The following KHDRBS1 variants were observed in gnomAD, a reference collection of about 807,000 sequenced individuals.
KHDRBS1 encodes KH domain-containing, RNA-binding, signal transduction-associated protein 1.
A neutral mutation model predicts 48.4 loss-of-function variants in KHDRBS1; 7 were observed. That is an observed-to-expected ratio of 0.14 (90% CI 0.08 to 0.27). The LOEUF (loss-of-function observed/expected upper bound fraction) is 0.27. Among genes scored for constraint, KHDRBS1 ranks in the 10% least tolerant of loss-of-function variants. The pLI is 1.00. For synonymous variants in KHDRBS1, 241 were observed against 235.8 expected, an observed-to-expected ratio of 1.02 and a Z score of -0.20; for missense variants, 458 against 601.2, an observed-to-expected ratio of 0.76 and a Z score of 2.49.
intron 1 of KHDRBS1, among the ~76,000 whole-genome samples, chr1:32,023,480 A>G (rs1210151153): frequency 6.6e-6 from 1 of 152,216 alleles, no homozygotes; most frequent in African/African-American, 2.4e-5. Context: ...TGGATAAGAT[A>G]TGATTATTCT....
intron 10 of KHDRBS1, among the ~76,000 whole-genome samples, chr1:32,055,984 C>T (rs541078012): frequency 1.3e-5 from 2 of 151,998 alleles, no homozygotes; most frequent in African/African-American, 2.4e-5. Context: ...TTGTTTGTTT[C>T]GAATGTACTT....
At chr1:32,042,495 T>C (rs753272343) in intron 8 of KHDRBS1, 32 bp from the exon 9 acceptor site, 185 of 1,480,830 alleles carry the variant, frequency 1.2e-4, no homozygotes, top group Non-Finnish European at 1.7e-4. Flanking sequence ...TGTCGCCACA[T>C]GGTTTATAAA....
intron 10 of KHDRBS1, among the ~76,000 whole-genome samples, chr1:32,054,153 C>T (rs1303344018): frequency 6.6e-6 from 1 of 152,090 alleles, no homozygotes; most frequent in Admixed American, 6.6e-5. Flanking sequence ...TAAGTTAGTG[C>T]TGATTTTGGA....
chr1:32,017,807 A>G (rs1638773879), intron 1 of KHDRBS1, among the ~76,000 whole-genome samples: 1 of 151,578 alleles, frequency 6.6e-6, no homozygotes, highest in Admixed American at 6.6e-5. Context: ...GGGTTTCTCC[A>G]TGTTGGTCAG....
At chr1:32,017,574 G>T (rs1458173243) in intron 1 of KHDRBS1, among the ~76,000 whole-genome samples, 1 of 137,700 alleles carries the variant, frequency 7.3e-6, no homozygotes, top group African/African-American at 2.7e-5. Context: ...AAATGCTGTT[G>T]TATAGATACC....
At chr1:32,040,935 A>C (rs2124388901) in intron 8 of KHDRBS1, among the ~76,000 whole-genome samples, 1 of 152,266 alleles carries the variant, frequency 6.6e-6, no homozygotes, top group Non-Finnish European at 1.5e-5. Flanking sequence ...GTTTTAGCGA[A>C]ATAGCACTGG....
chr1:32,058,286 C>T (rs925642098), intron 10 of KHDRBS1, among the ~76,000 whole-genome samples: 1 of 152,082 alleles, frequency 6.6e-6, no homozygotes, highest in Admixed American at 6.6e-5. Context: ...CAAGGTATTA[C>T]TATGTTGCCC....
In KHDRBS1 at chr1:32,014,010, C is replaced by T; in HGVS notation, c.15C>T (p.Asp5=). MQRR[D]DPAARMSRSS... ...CATCCTCCCAGATGCAGCGCCGGGA[C>T]GACCCCGCCGCGCGCATGAGCCGGT... is the stretch of plus-strand genomic sequence containing the variant. Residue 5 remains aspartate (D), a synonymous_variant, in exon 1 of 9, where the codon GAC becomes GAT. Coordinates refer to ENST00000327300, the MANE Select transcript of KHDRBS1 (RefSeq NM_006559.3). The T allele has an allele frequency of 1.3e-6, 2 of 1,522,148 alleles. No individual in the cohort carries two copies. The highest frequency in any genetic ancestry group is 1.7e-6 in the Non-Finnish European group (2 of 1,146,178). 94.3% of individuals were successfully genotyped at this position (1,522,148 alleles called of 1,614,324 possible).
intron 1 of KHDRBS1, among the ~76,000 whole-genome samples, chr1:32,029,514 G>A (rs992283559): frequency 3.3e-5 from 5 of 152,090 alleles, no homozygotes; most frequent in Admixed American, 2.0e-4. Context: ...AAAATTAGCC[G>A]GGCATGGTGG....
chr1:32,050,869 G>T (rs1382038012), intron 10 of KHDRBS1, among the ~76,000 whole-genome samples: 1 of 151,306 alleles, frequency 6.6e-6, no homozygotes, highest in Non-Finnish European at 1.5e-5. Flanking sequence ...ACTTTTGTGT[G>T]TGTGGCCTGG....
At chr1:32,056,085 T>C (rs1033255306) in intron 10 of KHDRBS1, among the ~76,000 whole-genome samples, 1 of 152,182 alleles carries the variant, frequency 6.6e-6, no homozygotes, top group African/African-American at 2.4e-5. Flanking sequence ...AAGGTTTAGC[T>C]TCTTAGCATT....
chr1:32,043,999 G>T (rs953358140), downstream of KHDRBS1: 1 of 152,358 alleles, frequency 6.6e-6, no homozygotes, highest in Admixed American at 6.5e-5. Flanking sequence ...CTTAAAAGTG[G>T]TGGGGGGGAT....
chr1:32,022,718 G>A (rs1174873339), intron 1 of KHDRBS1, among the ~76,000 whole-genome samples: 7 of 152,054 alleles, frequency 4.6e-5, no homozygotes, highest in South Asian at 4.2e-4. Flanking sequence ...GTGAAACCCC[G>A]TCTCTACTAA....
chr1:32,020,597 G>A lies in KHDRBS1; in HGVS notation c.382+6220G>A, dbSNP rs1026447385. On this transcript the variant is annotated intron_variant, in intron 1 of 8. Transcript: ENST00000327300. ...TCCAATAAACTGGCACACCCATACA[G>A]TGGAACAGTACTGTGCAATAAAAAA... Among the ~76,000 whole-genome samples the A allele has an allele frequency of 8.1e-5, 12 of 147,690 alleles. No homozygotes were observed. In the Admixed American group the frequency reaches 8.1e-4, roughly 10 times the overall value.
At position 32,037,993 on chromosome 1, in the gene KHDRBS1, T is replaced by C. The variant is rs1639216632; in HGVS notation, c.1064T>C (p.Ile355Thr). 1 of 1,614,124 alleles carries C rather than the reference T, an allele frequency of 6.2e-7. No homozygotes were observed. The highest frequency in any genetic ancestry group is 1.1e-5 in the South Asian group (1 of 91,090). ...GCACGGACAGCGGGCATCCAGAGGA[T>C]ACCTTTGCCTCCACCTCCTGCACCA... ...PRARTAGIQR[I>T]PLPPPPAPET... Residue 355 changes from isoleucine (I) to threonine (T), a missense_variant, in exon 6 of 9, where the codon ATA becomes ACA. Coordinates refer to ENST00000327300, the MANE Select transcript of KHDRBS1 (RefSeq NM_006559.3).
intron 1 of KHDRBS1, among the ~76,000 whole-genome samples, chr1:32,016,037 G>A (rs1028740360): frequency 2.0e-5 from 3 of 152,114 alleles, no homozygotes; most frequent in African/African-American, 7.2e-5. Flanking sequence ...AATTAGCTTC[G>A]CGTGGTGGCG....
intron 1 of KHDRBS1, 85 bp from the exon 2 acceptor site, chr1:32,030,213 A>G (rs1639055425): frequency 1.8e-6 from 2 of 1,101,264 alleles, no homozygotes; most frequent in Non-Finnish European, 1.3e-6. Context: ...GTTTCACTAT[A>G]TGGTATTCCA....
intron 10 of KHDRBS1, among the ~76,000 whole-genome samples, chr1:32,058,081 G>C (rs1043678138): frequency 2.6e-5 from 4 of 151,154 alleles, no homozygotes; most frequent in African/African-American, 9.7e-5. Context: ...TCGCACCACC[G>C]TACTCCAGAC....
intron 10 of KHDRBS1, among the ~76,000 whole-genome samples, chr1:32,057,630 T>G (rs1639494899): frequency 6.9e-6 from 1 of 144,366 alleles, no homozygotes; most frequent in Non-Finnish European, 1.5e-5. Context: ...GAAACCCGTC[T>G]CTACTAAAAA....
Sources: allele counts gnomAD v4.1 joint callset (sites outside exome capture counted in the v4.1 genomes callset), GRCh38; gene constraint gnomAD v4.1.1; transcripts MANE v1.5; gene names NCBI Gene and HGNC (gene_info 2026-07-23, HGNC 2026-07-21).